ATRNL1: variants seen among roughly 807,000 people sequenced by gnomAD.
ATRNL1 encodes attractin like 1, also known as attractin-like protein 1.
In ATRNL1, 95 loss-of-function variants were observed where a neutral mutation model predicts 182.7. The observed-to-expected ratio is 0.52, with a 90% CI of 0.44 to 0.62. The LOEUF (loss-of-function observed/expected upper bound fraction) is 0.62, where lower values mean the gene tolerates loss of function less well. Among genes scored for constraint, ATRNL1 ranks in the 20% least tolerant of loss-of-function variants. The pLI, the probability that ATRNL1 is intolerant of heterozygous loss-of-function variation, is 0.00. For missense variants in ATRNL1, 1,471 were observed against 1,679.5 expected (o/e 0.88, Z 2.17); for synonymous variants, 576 against 568.3 (o/e 1.01, Z -0.19).
intron 28 of ATRNL1, among the ~76,000 whole-genome samples, chr10:115,890,545 A>T (rs186677366): frequency 2.3e-3 from 352 of 152,140 alleles, no homozygotes; most frequent in African/African-American, 7.9e-3. Context: ...GCTGCTTGTT[A>T]TTTCACATAT....
chr10:115,633,245 C>T (rs1328409757), intron 26 of ATRNL1, among the ~76,000 whole-genome samples: 1 of 152,136 alleles, frequency 6.6e-6, no homozygotes, highest in East Asian at 1.9e-4. Flanking sequence ...TCTTCTTGCC[C>T]ATTATTCACT....
At chr10:115,457,722 C>T (rs1338417535) in intron 21 of ATRNL1, among the ~76,000 whole-genome samples, 6 of 152,026 alleles carry the variant, frequency 3.9e-5, no homozygotes, top group Admixed American at 3.9e-4. Flanking sequence ...CCTCCCTGCT[C>T]TCTGTTCAGT....
intron 28 of ATRNL1, among the ~76,000 whole-genome samples, chr10:115,924,947 T>C (rs1356150549): frequency 6.6e-6 from 1 of 152,156 alleles, no homozygotes; most frequent in Non-Finnish European, 1.5e-5. Flanking sequence ...TACTTCCCCT[T>C]GAAGAGATCC....
intron 26 of ATRNL1, among the ~76,000 whole-genome samples, chr10:115,604,081 CT>C (rs1272858222): frequency 2.6e-5 from 4 of 151,980 alleles, no homozygotes; most frequent in Non-Finnish European, 4.4e-5. Context: ...TTTTTACTGA[CT>C]TATTTTTCTC....
chr10:115,547,854 A>C (rs1852757154), intron 25 of ATRNL1, among the ~76,000 whole-genome samples: 1 of 152,202 alleles, frequency 6.6e-6, no homozygotes, highest in South Asian at 2.1e-4. Context: ...TTCTGAGAAA[A>C]GTGTCCCCTA....
At chr10:115,767,888 G>A (rs1555075415) in intron 27 of ATRNL1, among the ~76,000 whole-genome samples, 2 of 152,120 alleles carry the variant, frequency 1.3e-5, no homozygotes, top group African/African-American at 2.4e-5. Context: ...CCAGGATCAT[G>A]ATTGGGGATT....
chr10:115,493,120 A>G (rs1258530039), intron 24 of ATRNL1, among the ~76,000 whole-genome samples: 1 of 152,058 alleles, frequency 6.6e-6, no homozygotes, highest in African/African-American at 2.4e-5. Flanking sequence ...ATTTCTTATC[A>G]ACTTTTATTT....
intron 7 of ATRNL1, among the ~76,000 whole-genome samples, chr10:115,167,994 C>T (rs545363004): frequency 1.7e-4 from 26 of 152,210 alleles, no homozygotes; most frequent in African/African-American, 5.5e-4. Context: ...CACACTTCCT[C>T]GTCTTCCCTA....
chr10:115,216,437 A>G (rs2144410227), intron 9 of ATRNL1, among the ~76,000 whole-genome samples: 1 of 152,280 alleles, frequency 6.6e-6, no homozygotes, highest in African/African-American at 2.4e-5. Flanking sequence ...GAGAATTTTT[A>G]CTTTTGCCAA....
intron 13 of ATRNL1, among the ~76,000 whole-genome samples, chr10:115,277,831 A>G (rs556022990): frequency 2.0e-5 from 3 of 152,254 alleles, no homozygotes; most frequent in South Asian, 4.1e-4. Flanking sequence ...TAATCTCTCA[A>G]TGCCAGATTA....
rs2084931339 is a variant in ATRNL1 at position 115,093,601 on chromosome 10, C to T, written c.-150C>T. The T allele has an allele frequency of 7.8e-6, 7 of 902,004 alleles. No homozygotes were observed. The highest frequency in any genetic ancestry group is 1.4e-5 in the South Asian group (1 of 69,806). 55.9% of individuals were successfully genotyped at this position (902,004 alleles called of 1,614,324 possible). Reference sequence around the variant, plus strand: ...GAGGCGACGGCGGTTGGGATCTGTCCCTCCTGACCGGGGAGCGGGACTCGG... The same window carrying T: ...GAGGCGACGGCGGTTGGGATCTGTCTCTCCTGACCGGGGAGCGGGACTCGG... On this transcript the variant is annotated 5_prime_UTR_variant, in exon 1 of 29. Coordinates refer to ENST00000355044, the MANE Select transcript of ATRNL1 (RefSeq NM_207303.4). This position sits in a 1 kb window ranked among gnomAD's most constrained non-coding sequence, Gnocchi z 6.1.
At chr10:115,528,848 C>T (rs1353010290) in intron 25 of ATRNL1, among the ~76,000 whole-genome samples, 1 of 152,010 alleles carries the variant, frequency 6.6e-6, no homozygotes, top group Non-Finnish European at 1.5e-5. Context: ...TAAATATTTT[C>T]TAATTTCATT....
At chr10:115,917,792 A>T (rs1326689892) in intron 28 of ATRNL1, among the ~76,000 whole-genome samples, 1 of 152,206 alleles carries the variant, frequency 6.6e-6, no homozygotes, top group Non-Finnish European at 1.5e-5. Context: ...TTCTTACTAC[A>T]GTATTTCAGG....
At chr10:115,823,049 C>T (rs1264617747) in intron 27 of ATRNL1, among the ~76,000 whole-genome samples, 1 of 152,172 alleles carries the variant, frequency 6.6e-6, no homozygotes, top group African/African-American at 2.4e-5. Context: ...ACTGGCAAAC[C>T]GAATCCAGCA....
chr10:115,528,072 T>TCC (rs1554987188), intron 25 of ATRNL1, among the ~76,000 whole-genome samples: 529 of 27,418 alleles, frequency 0.019, 89 homozygotes, highest in African/African-American at 0.037. Flanking sequence ...CTTCCTTCCT[T>TCC]TCCCTTCTCA....
At chr10:115,361,344 T>C (rs1183765706) in intron 19 of ATRNL1, among the ~76,000 whole-genome samples, 1 of 152,074 alleles carries the variant, frequency 6.6e-6, no homozygotes, top group Non-Finnish European at 1.5e-5. Flanking sequence ...CCTTTCATTC[T>C]TTGAGCATTT....
chr10:115,369,276 A>G (rs1857256419), intron 19 of ATRNL1, among the ~76,000 whole-genome samples: 1 of 141,818 alleles, frequency 7.1e-6, no homozygotes, highest in Non-Finnish European at 1.5e-5. Context: ...GGGATGGGGT[A>G]ATTCTTTGAA....
chr10:115,521,138 TTTGTTG>T (rs68061119), intron 25 of ATRNL1, among the ~76,000 whole-genome samples: 89 of 149,072 alleles, frequency 6.0e-4, no homozygotes, highest in African/African-American at 1.0e-3. Flanking sequence ...TAAAACAACT[TTTGTTG>T]TTGTTGTTGT....
intron 9 of ATRNL1, among the ~76,000 whole-genome samples, chr10:115,226,219 A>G (rs1377307822): frequency 6.6e-6 from 1 of 152,036 alleles, no homozygotes; most frequent in Non-Finnish European, 1.5e-5. Context: ...GAAAAAATGA[A>G]TATTAAGCCC....
Sources: gnomAD v4.1 joint callset for allele counts (sites outside exome capture counted in the v4.1 genomes callset) on GRCh38, gnomAD v4.1.1 for gene constraint, Gnocchi (gnomAD v3.1) non-coding constraint, MANE v1.5 for transcripts, NCBI Gene and HGNC (gene_info 2026-07-23, HGNC 2026-07-21) for gene names.